Variants in FAM169A observed in about 807,000 individuals in gnomAD.
FAM169A encodes the protein family with sequence similarity 169 member A.
In FAM169A, 24 loss-of-function variants were observed where a neutral mutation model predicts 75.7. The ratio of observed to expected loss-of-function variants is 0.32; its 90% CI spans 0.23 to 0.45. The LOEUF is 0.45. FAM169A is among the 20% of genes least tolerant of loss of function. FAM169A has a pLI of 1.00. For synonymous variants in FAM169A, 271 were observed against 271.0 expected (o/e 1.00, Z 0.00); for missense variants, 673 against 784.0 (o/e 0.86, Z 1.69).
At chr5:74,834,700 A>G (rs1340282698) in intron 4 of FAM169A, 103 bp from the exon 5 acceptor site, 8 of 915,674 alleles carry the variant, frequency 8.7e-6, no homozygotes, top group Non-Finnish European at 1.2e-5. Context: ...CTGGAATTCA[A>G]AGCACTTCAA....
intron 9 of FAM169A, among the ~76,000 whole-genome samples, 185 bp from the exon 10 acceptor site, chr5:74,801,215 T>C (rs1746557879): frequency 6.6e-6 from 1 of 152,242 alleles, no homozygotes; most frequent in Admixed American, 6.5e-5. Context: ...TTTTCTAAAT[T>C]ATGTAACTTT....
At chr5:74,859,062 A>C (rs1749897584) in intron 1 of FAM169A, among the ~76,000 whole-genome samples, 1 of 151,790 alleles carries the variant, frequency 6.6e-6, no homozygotes, top group African/African-American at 2.4e-5. Flanking sequence ...AAAATATAAA[A>C]AATTAGCCAG....
At chr5:74,794,636 G>T (rs552342902) in intron 11 of FAM169A, among the ~76,000 whole-genome samples, 1 of 151,468 alleles carries the variant, frequency 6.6e-6, no homozygotes, top group African/African-American at 2.4e-5. Context: ...AAAATTAGCC[G>T]GGCGTTGTGG....
intron 6 of FAM169A, among the ~76,000 whole-genome samples, chr5:74,807,807 G>A (rs947053219): frequency 2.6e-5 from 4 of 152,134 alleles, no homozygotes; most frequent in South Asian, 2.1e-4. Flanking sequence ...ATGATGCCAC[G>A]TATAAAAAGT....
intron 1 of FAM169A, among the ~76,000 whole-genome samples, chr5:74,842,345 CG>C (rs1421084698): frequency 3.7e-5 from 5 of 136,948 alleles, no homozygotes; most frequent in Non-Finnish European, 7.6e-5. Flanking sequence ...TGCTTGAACC[CG>C]GGAGGCAGAG....
chr5:74,863,023 T>TA (rs10634527), intron 1 of FAM169A, among the ~76,000 whole-genome samples: 1,437 of 126,578 alleles, frequency 0.011, 12 homozygotes, highest in African/African-American at 0.03. Flanking sequence ...TGTATTCATT[T>TA]AAAAAAAAAA....
chr5:74,861,415 C>A (rs1411195435), intron 1 of FAM169A, among the ~76,000 whole-genome samples: 1 of 152,266 alleles, frequency 6.6e-6, no homozygotes, highest in East Asian at 1.9e-4. Flanking sequence ...TGGATTCTCC[C>A]TCAGGAAACC....
Position 74,840,128 on chromosome 5 carries a change from C to T in FAM169A, c.178G>A (p.Gly60Arg). 1 of 1,601,626 alleles carries T rather than the reference C, an allele frequency of 6.2e-7. No homozygotes were observed. Among genetic ancestry groups the T allele is most frequent in the Non-Finnish European group, 8.5e-7 (1 of 1,174,010 alleles). ...SNVGFVPLYG[G>R]DQTQKILALF... is the part of the protein sequence containing the mutation. ...GCAAGAATTTTCTGGGTCTGATCTC[C>T]ACCATAAAGAGGTACAAAGCCTACA... Residue 60 changes from glycine to arginine, a missense_variant, in exon 3 of 13, where the codon GGA (glycine) becomes AGA (arginine). Around this residue, in one of 3 missense-constraint regions of FAM169A, gnomAD observed 107 missense variants for 180.8 expected, o/e 0.59. Coordinates refer to ENST00000687041, the MANE Select transcript of FAM169A (RefSeq NM_001376049.1).
intron 5 of FAM169A, among the ~76,000 whole-genome samples, chr5:74,831,135 T>G (rs962260122): frequency 6.6e-6 from 1 of 151,874 alleles, no homozygotes; most frequent in Non-Finnish European, 1.5e-5. Context: ...TCAGAAAACT[T>G]TAGAGCCAAA....
At chr5:74,866,487 G>A, upstream of FAM169A, 1 of 714,382 alleles carries the variant, frequency 1.4e-6, no homozygotes, top group Non-Finnish European at 1.7e-6. Flanking sequence ...CGGAGCCTGG[G>A]ACGCCGCCCT....
In FAM169A at chr5:74,780,129, T is replaced by C. The variant is rs1388048525; in HGVS notation, c.*1331A>G. Reference sequence around the variant, plus strand: ...AAAAATAACAGTTCAGTGTTTTTTTTCTTCAAATTTTCCTAGGCCTTTGTT... The same window carrying C: ...AAAAATAACAGTTCAGTGTTTTTTTCCTTCAAATTTTCCTAGGCCTTTGTT... On this transcript the variant is annotated 3_prime_UTR_variant, in exon 13 of 13. Coordinates refer to ENST00000687041, the MANE Select transcript of FAM169A (RefSeq NM_001376049.1). The C allele has an allele frequency of 6.6e-6, 1 of 152,204 alleles. No individual in the cohort carries two copies. Among genetic ancestry groups the C allele is most frequent in the South Asian group, 2.1e-4 (1 of 4,830 alleles). The allele number at this position is 152,204 out of a possible 1,614,324, so 9.4% of individuals were successfully genotyped here. A position where few individuals can be genotyped will look rare whatever the true frequency, so the allele number is the denominator to read the frequency against.
At chr5:74,829,825 T>C (rs6897904) in intron 5 of FAM169A, among the ~76,000 whole-genome samples, 35,197 of 151,796 alleles carry the variant, frequency 0.23, 4,296 homozygotes, top group Middle Eastern at 0.3. Flanking sequence ...AATACAAAAT[T>C]AGCCGGGCGT....
chr5:74,804,876 G>A lies in FAM169A; in HGVS notation c.800-271C>T, dbSNP rs368504844. Among the ~76,000 whole-genome samples, 66 of 152,286 alleles carry A rather than the reference G, an allele frequency of 4.3e-4. 1 individual carries two copies. In the South Asian group the frequency reaches 0.014, roughly 32 times the overall value. The stretch of plus-strand genomic sequence containing the variant: ...GACCCCCTGGTGCCTATTCTATGCC[G>A]TTTGAGTAATCTACGTTTATTTCTT... On this transcript the variant is annotated intron_variant, in intron 7 of 12. Coordinates refer to ENST00000687041, the MANE Select transcript of FAM169A (RefSeq NM_001376049.1).
In FAM169A at chr5:74,781,921, G is replaced by C. The variant is rs779521505; in HGVS notation, c.1552C>G (p.Pro518Ala). 6.2e-6 allele frequency: 10 copies of C among 1,613,858 alleles called. No homozygotes were observed. Among genetic ancestry groups the C allele is most frequent in the Non-Finnish European group, 7.6e-6 (9 of 1,179,960 alleles). ...CTCCCAAGATGTGCTTTCTTTCTTG[G>C]AAGTAGGGACAATTTCTCTTCCATG... ...GHMEEKLSLL[P>A]RKKAHLGSSD... Residue 518 changes from proline to alanine, a missense_variant, in exon 13 of 13, where the codon CCA becomes GCA. Physicochemically the swap from Pro to Ala is conservative, Grantham distance 27 (BLOSUM62 -1). This residue lies in a region of FAM169A where 510 missense variants were observed against 550.9 expected (regional missense o/e 0.93). Coordinates refer to ENST00000687041, the MANE Select transcript of FAM169A (RefSeq NM_001376049.1).
At chr5:74,847,478 T>A (rs1749215978) in intron 1 of FAM169A, among the ~76,000 whole-genome samples, 1 of 152,196 alleles carries the variant, frequency 6.6e-6, no homozygotes, top group African/African-American at 2.4e-5. Context: ...CTCATTTTTT[T>A]AGAAACATTT....
intron 5 of FAM169A, among the ~76,000 whole-genome samples, chr5:74,815,247 T>A (rs192392347): frequency 4.9e-4 from 75 of 152,060 alleles, no homozygotes; most frequent in Admixed American, 4.7e-3. Context: ...TGGAGGGCAA[T>A]GGCACGATTT....
intron 5 of FAM169A, among the ~76,000 whole-genome samples, chr5:74,815,046 G>A (rs1383645516): frequency 6.6e-6 from 1 of 151,858 alleles, no homozygotes. Flanking sequence ...ACTTTTTTCA[G>A]TTCAACCAAG....
At chr5:74,819,122 G>A (rs1221891701) in intron 5 of FAM169A, among the ~76,000 whole-genome samples, 2 of 151,810 alleles carry the variant, frequency 1.3e-5, no homozygotes, top group Non-Finnish European at 2.9e-5. Context: ...AAGAGGCTGA[G>A]GCAGGAGAAT....
intron 11 of FAM169A, among the ~76,000 whole-genome samples, chr5:74,788,231 C>G (rs1003544167): frequency 1.3e-5 from 2 of 152,158 alleles, no homozygotes; most frequent in Non-Finnish European, 1.5e-5. Context: ...GACTTACAGT[C>G]GGTCCAGTGG....
Sources: allele counts gnomAD v4.1 joint callset (sites outside exome capture counted in the v4.1 genomes callset), GRCh38; gene constraint gnomAD v4.1.1; regional missense constraint gnomAD v4.1.1; transcripts MANE v1.5; gene names NCBI Gene and HGNC (gene_info 2026-07-23, HGNC 2026-07-21).